Variants in TENM1 observed in about 807,000 individuals in gnomAD.
TENM1 encodes the protein teneurin transmembrane protein 1, also known as teneurin-1.
TENM1 carries 35 observed loss-of-function variants against 174.8 expected under a neutral mutation model. The observed-to-expected ratio is 0.20, with a 90% CI of 0.15 to 0.27. TENM1 has a LOEUF of 0.27. TENM1 is among the 10% of genes least tolerant of loss of function. TENM1 has a pLI of 1.00. For missense variants in TENM1, 1,633 were observed against 2,130.1 expected (o/e 0.77, Z 4.59); for synonymous variants, 781 against 798.7 (o/e 0.98, Z 0.37).
Position 124,905,236 on chromosome X carries a change from A to T in TENM1, c.218-8995T>A, listed in dbSNP as rs2057727653. Among the ~76,000 whole-genome samples, 4 of 110,605 alleles carry T rather than the reference A, an allele frequency of 3.6e-5. No homozygotes were observed. The South Asian group carries it at 1.6e-3, about 43-fold the overall frequency. ...CTTGAGAGACTGGGAGGATCACTTGAGCCCCTGAGTTTGAGGCTGCACCAC... is the reference window on the plus strand; with the variant it reads ...CTTGAGAGACTGGGAGGATCACTTGTGCCCCTGAGTTTGAGGCTGCACCAC... On this transcript the variant is annotated intron_variant, in intron 1 of 31. Transcript: ENST00000422452.
At chrX:124,664,963 C>G (rs1338614219) in intron 6 of TENM1, among the ~76,000 whole-genome samples, 2 of 111,526 alleles carry the variant, frequency 1.8e-5, no homozygotes, top group Non-Finnish European at 3.8e-5. Context: ...ACAATCTCAG[C>G]TCTGCCTTTA....
chrX:124,995,938 C>G, the TENM1 span, among the ~76,000 whole-genome samples: 1 of 110,321 alleles, frequency 9.1e-6, no homozygotes, highest in Admixed American at 9.7e-5. Flanking sequence ...AGTTGTTACT[C>G]ATTTGGAAGG....
chrX:124,646,615 A>G lies in TENM1; in HGVS notation c.1681+94T>C, dbSNP rs138968308. ...CACTGCTGCTGTTGCTGTCACCACT[A>G]CTAATGTTACTTACTATGACTATTA... On this transcript the variant is annotated intron_variant, in intron 9 of 31. Transcript: ENST00000422452. 1,270 of 623,219 alleles carry G rather than the reference A, an allele frequency of 2.0e-3. 11 individuals carry two copies. The African/African-American group carries it at 0.024, about 12-fold the overall frequency. The allele number at this position is 623,219 out of a possible 1,213,427, so 51.4% of individuals were successfully genotyped here.
intron 5 of TENM1, among the ~76,000 whole-genome samples, chrX:124,674,822 C>A (rs1475639374): frequency 9.0e-6 from 1 of 111,224 alleles, no homozygotes; most frequent in Non-Finnish European, 1.9e-5. Context: ...ATAGTAGGAG[C>A]TATATTGAAA....
At chrX:124,876,985 ATTAG>A (rs770562305) in intron 3 of TENM1, among the ~76,000 whole-genome samples, 68 of 112,229 alleles carry the variant, frequency 6.1e-4, no homozygotes, top group Non-Finnish European at 1.1e-3. Context: ...TCTTGAATTT[ATTAG>A]TTAGTTCTCA....
the TENM1 span, among the ~76,000 whole-genome samples, chrX:124,971,229 T>C: frequency 3.6e-5 from 4 of 109,907 alleles, no homozygotes; most frequent in African/African-American, 6.6e-5. Flanking sequence ...GGCACATGTA[T>C]ACATATGCAA....
intron 4 of TENM1, among the ~76,000 whole-genome samples, chrX:124,709,051 C>T (rs773387504): frequency 5.4e-5 from 6 of 111,010 alleles, no homozygotes; most frequent in Middle Eastern, 4.7e-3. Context: ...GAACTGAGAC[C>T]CAAAGAGGTT....
At chrX:124,482,189 G>T (rs1299604483) in intron 21 of TENM1, among the ~76,000 whole-genome samples, 1 of 110,168 alleles carries the variant, frequency 9.1e-6, no homozygotes, top group African/African-American at 3.3e-5. Context: ...CTGACATTCC[G>T]ATACCATCCA....
At chrX:125,164,058 G>T in the TENM1 span, among the ~76,000 whole-genome samples, 2 of 111,657 alleles carry the variant, frequency 1.8e-5, no homozygotes, top group Non-Finnish European at 1.9e-5. Flanking sequence ...AACACATAGT[G>T]CTTATGTAAT....
intron 1 of TENM1, among the ~76,000 whole-genome samples, chrX:124,909,052 T>G (rs772877885): frequency 9.0e-6 from 1 of 111,430 alleles, no homozygotes; most frequent in South Asian, 3.8e-4. Flanking sequence ...AGAGACGTGG[T>G]TTCGCCATAT....
chrX:124,858,715 T>A (rs755098493), intron 3 of TENM1, among the ~76,000 whole-genome samples: 1 of 112,072 alleles, frequency 8.9e-6, no homozygotes, highest in Non-Finnish European at 1.9e-5. Context: ...AATTTTTAAA[T>A]GTTTAATAAC....
the TENM1 span, among the ~76,000 whole-genome samples, chrX:125,010,557 G>T: frequency 9.1e-6 from 1 of 109,873 alleles, no homozygotes; most frequent in Admixed American, 9.7e-5. Flanking sequence ...GCTCAAGCCT[G>T]TAATCACAGC....
chrX:124,658,319 A>G (rs1424343476), intron 6 of TENM1, among the ~76,000 whole-genome samples: 1 of 112,127 alleles, frequency 8.9e-6, no homozygotes, highest in Non-Finnish European at 1.9e-5. Flanking sequence ...AAAGTAGTCA[A>G]GAGAAAAAGA....
At chrX:125,171,743 T>A in the TENM1 span, among the ~76,000 whole-genome samples, 1 of 111,472 alleles carries the variant, frequency 9.0e-6, no homozygotes, top group Non-Finnish European at 1.9e-5. Context: ...ATTCCCAGCC[T>A]CCAGAACTAT....
intron 13 of TENM1, among the ~76,000 whole-genome samples, chrX:124,563,037 C>T (rs2048855723): frequency 8.9e-6 from 1 of 111,913 alleles, no homozygotes. Context: ...GTAATATACT[C>T]ATGACATGGC....
intron 27 of TENM1, among the ~76,000 whole-genome samples, chrX:124,398,011 A>G (rs909128820): frequency 2.7e-5 from 3 of 109,402 alleles, no homozygotes; most frequent in Non-Finnish European, 5.7e-5. Flanking sequence ...GGCGGATCAC[A>G]AGGTCAGGAG....
At chrX:124,891,960 C>T (rs1436187679) in intron 3 of TENM1, among the ~76,000 whole-genome samples, 2 of 111,935 alleles carry the variant, frequency 1.8e-5, no homozygotes, top group East Asian at 5.6e-4. Flanking sequence ...ACCCTTTCTT[C>T]AAGTAGCTTC....
chrX:124,665,791 G>A (rs769323133), intron 6 of TENM1, among the ~76,000 whole-genome samples: 1 of 112,281 alleles, frequency 8.9e-6, no homozygotes, highest in Non-Finnish European at 1.9e-5. Context: ...GGGAACGGGA[G>A]TTTTGCCAGG....
In TENM1 at chrX:124,830,294, G is replaced by A. The variant is rs141572349; in HGVS notation, c.535+64002C>T. On this transcript the variant is annotated intron_variant, in intron 3 of 31. Transcript: ENST00000422452. ...AGTTCATGAAGAAAGGAGCATAAGT[G>A]GTGCTGCTTCAGAAACTGAGCGAAA... Among the ~76,000 whole-genome samples the A allele has an allele frequency of 9.4e-4, 105 of 111,729 alleles. 1 individual carries two copies. Among genetic ancestry groups the A allele is most frequent in the African/African-American group, 3.3e-3 (101 of 30,723 alleles).
Sources: allele counts gnomAD v4.1 joint callset (sites outside exome capture counted in the v4.1 genomes callset), GRCh38; gene constraint gnomAD v4.1.1; transcripts MANE v1.5; gene names NCBI Gene and HGNC (gene_info 2026-07-23, HGNC 2026-07-21).